FCER2: variants seen among roughly 807,000 people sequenced by gnomAD.
FCER2 encodes the protein low affinity immunoglobulin epsilon Fc receptor.
In FCER2, 38 loss-of-function variants were observed where a neutral mutation model predicts 49.7. That is an observed-to-expected ratio of 0.76 (90% CI 0.59 to 1.00). FCER2 has a LOEUF of 1.00. Ranked by LOEUF, FCER2 falls within the 50% of genes least tolerant of loss-of-function variation. The probability of loss-of-function intolerance (pLI) is 0.00; values close to 1 mark genes in which losing one functional copy is unlikely to be tolerated. For missense variants in FCER2, 425 were observed against 419.5 expected, an observed-to-expected ratio of 1.01 and a Z score of -0.11; for synonymous variants, 163 against 164.6, an observed-to-expected ratio of 0.99 and a Z score of 0.07.
chr19:7,695,009 A>C (rs2032976449), intron 8 of FCER2, among the ~76,000 whole-genome samples: 1 of 151,884 alleles, frequency 6.6e-6, no homozygotes. Context: ...TAATTTTTTC[A>C]TGTTTTTGTT....
intron 1 of FCER2, among the ~76,000 whole-genome samples, chr19:7,701,663 G>A (rs887327299): frequency 2.0e-5 from 3 of 152,084 alleles, no homozygotes; most frequent in Admixed American, 6.6e-5. Context: ...CTACTGGTAA[G>A]TGCTGGGTGG....
At chr19:7,696,698 A>C (rs564153467) in intron 8 of FCER2, 127 bp downstream of exon 8, 24 of 686,168 alleles carry the variant, frequency 3.5e-5, no homozygotes, top group Admixed American at 2.4e-4. Flanking sequence ...CCTCCCGATG[A>C]CACTCGGGTC....
rs553980568 is a variant in FCER2, at chr19:7,691,578, C to T, written c.470-1021G>A. On this transcript the variant is annotated intron_variant, in intron 8 of 10. Coordinates refer to ENST00000597921, the MANE Select transcript of FCER2 (RefSeq NM_001220500.2). ...AGCACCTCAGCCACAAGCACCATCA[C>T]CAACAGCACTTTCACCACCCTCATC... Among the ~76,000 whole-genome samples the T allele has an allele frequency of 5.9e-5, 9 of 152,198 alleles. No homozygotes were observed. In the East Asian group the frequency reaches 1.5e-3, roughly 26 times the overall value.
In FCER2 at chr19:7,697,597, G is replaced by T; in HGVS notation, c.191-8C>A. 1 of 1,613,636 alleles carries T rather than the reference G, an allele frequency of 6.2e-7. No individual in the cohort carries two copies. The highest frequency in any genetic ancestry group is 8.5e-7 in the Non-Finnish European group (1 of 1,179,660). On this transcript the variant is annotated splice_polypyrimidine_tract_variant and splice_region_variant and intron_variant, in intron 4 of 10. Coordinates refer to ENST00000597921, the MANE Select transcript of FCER2 (RefSeq NM_001220500.2). The stretch of plus-strand genomic sequence containing the variant: ...TCTTGGAAACTTGAGAGACTGGAGC[G>T]GCGGGAGAGAAGAGATATCCCAGGA...
At chr19:7,696,785 G>C (rs754793002) in intron 8 of FCER2, 40 bp downstream of exon 8, 1 of 1,475,850 alleles carries the variant, frequency 6.8e-7, no homozygotes. Flanking sequence ...AGCCCCAGGT[G>C]AGGTCACGCG....
Position 7,697,539 on chromosome 19 carries a change from G to A in FCER2, c.241C>T (p.Gln81Ter). ...AGGAGTCACTCACACTGGGATTTCT[G>A]CGCCATCTGGTCACCGTGGTGGCTT... ...LESHHGDQMA[Q>*]KSQSTQISQE... Residue 81 changes from glutamine (Q) to a stop codon, truncating the protein, a stop_gained, in exon 5 of 11, where the codon CAG becomes TAG. Coordinates refer to ENST00000597921, the MANE Select transcript of FCER2 (RefSeq NM_001220500.2). LOFTEE classifies it high-confidence loss of function. 1 of 1,613,944 alleles carries A rather than the reference G, an allele frequency of 6.2e-7. No individual in the cohort carries two copies. Among genetic ancestry groups the A allele is most frequent in the Non-Finnish European group, 8.5e-7 (1 of 1,179,908 alleles).
At chr19:7,699,955 A>G (rs561853433) in intron 1 of FCER2, 110 bp from the exon 2 acceptor site, 1 of 637,312 alleles carries the variant, frequency 1.6e-6, no homozygotes, top group East Asian at 2.8e-5. Context: ...GATTTTGTTT[A>G]GTCTACAATC....
chr19:7,690,088 T>G, intron 10 of FCER2, 71 bp downstream of exon 10: 2 of 984,286 alleles, frequency 2.0e-6, no homozygotes, highest in Non-Finnish European at 3.2e-6. Context: ...TCCGATGCAG[T>G]TTATCTAGGG....
In FCER2 at chr19:7,690,170, G is replaced by A. The variant is rs2228138; in HGVS notation, c.717C>T (p.His239=). 0.29 allele frequency: 472,937 copies of A among 1,606,618 alleles called. 74,097 individuals carry two copies. Among genetic ancestry groups the A allele is most frequent in the African/African-American group, 0.56 (41,770 of 74,732 alleles). ...KGEFIWVDGS[H]VDYSNWAPGE... is the part of the protein sequence containing the mutation. ...GGCCCCCTCCTCACCTGTAGTCCACGTGGCTCCCATCCACCCAGATAAACT... is the reference window on the plus strand; with the variant it reads ...GGCCCCCTCCTCACCTGTAGTCCACATGGCTCCCATCCACCCAGATAAACT... Residue 239 remains histidine, a synonymous_variant, in exon 10 of 11, where the codon CAC becomes CAT. Coordinates refer to ENST00000597921, the MANE Select transcript of FCER2 (RefSeq NM_001220500.2).
At chr19:7,695,490 A>C (rs559719873) in intron 8 of FCER2, among the ~76,000 whole-genome samples, 2 of 152,194 alleles carry the variant, frequency 1.3e-5, no homozygotes, top group South Asian at 2.1e-4. Flanking sequence ...AATCAGAAAG[A>C]AATTGCCAGG....
At chr19:7,697,656 C>T (rs1247940986) in intron 4 of FCER2, 67 bp from the exon 5 acceptor site, 2 of 1,333,098 alleles carry the variant, frequency 1.5e-6, no homozygotes, top group African/African-American at 1.4e-5. Flanking sequence ...CCCGCCTATG[C>T]CCCAGGCTCA....
intron 8 of FCER2, among the ~76,000 whole-genome samples, chr19:7,690,958 C>CCAT (rs2032851147): frequency 6.6e-6 from 1 of 151,948 alleles, no homozygotes; most frequent in Non-Finnish European, 1.5e-5. Flanking sequence ...ACTTCAACCA[C>CCAT]CATCACCACA....
Position 7,689,111 on chromosome 19 carries a change from G to T in FCER2, c.*82C>A. ...CGTTTGGGTGGCAGAAAATGTCACA[G>T]GGACCTTTCAGCCACAAAGAGGCTT... On this transcript the variant is annotated 3_prime_UTR_variant, in exon 11 of 11. Transcript: ENST00000597921. 1 of 966,670 alleles carries T rather than the reference G, an allele frequency of 1.0e-6. No homozygotes were observed. The highest frequency in any genetic ancestry group is 2.4e-5 in the East Asian group (1 of 40,960). The allele number at this position is 966,670 out of a possible 1,614,324, so 59.9% of individuals were successfully genotyped here.
In FCER2 at chr19:7,698,381, C is replaced by T; in HGVS notation, c.165G>A (p.Gln55=). ...WHWDTTQSLK[Q]LEERAARNVS... ...CGTTCCGGGCAGCCCTCTCTTCCAG[C>T]TGTTTTAGACTCTGTGTGGTGTCCC... Residue 55 remains glutamine, a synonymous_variant, in exon 4 of 11, where the codon CAG becomes CAA. Transcript: ENST00000597921. 1 of 1,612,546 alleles carries T rather than the reference C, an allele frequency of 6.2e-7. No individual in the cohort carries two copies. The highest frequency in any genetic ancestry group is 1.7e-4 in the Middle Eastern group (1 of 6,058).
At chr19:7,699,607 C>T in intron 2 of FCER2, 132 bp downstream of exon 2, 1 of 1,216,916 alleles carries the variant, frequency 8.2e-7, no homozygotes, top group Non-Finnish European at 1.2e-6. Flanking sequence ...TCCTTACTCA[C>T]ACCAGTCCCT....
At chr19:7,693,342 C>T (rs1423218403) in intron 8 of FCER2, among the ~76,000 whole-genome samples, 1 of 152,122 alleles carries the variant, frequency 6.6e-6, no homozygotes, top group Non-Finnish European at 1.5e-5. Flanking sequence ...CACAATCCCT[C>T]AATATGGTCT....
At chr19:7,701,592 A>G (rs1467825838) in intron 1 of FCER2, among the ~76,000 whole-genome samples, 2 of 151,788 alleles carry the variant, frequency 1.3e-5, no homozygotes, top group Non-Finnish European at 2.9e-5. Context: ...CAAACCCGGG[A>G]CCCTTGAGCT....
In FCER2 at chr19:7,697,090, A is replaced by G. The variant is rs1419256434; in HGVS notation, c.317-15T>C. On this transcript the variant is annotated splice_polypyrimidine_tract_variant and intron_variant, in intron 6 of 10. Coordinates refer to ENST00000597921, the MANE Select transcript of FCER2 (RefSeq NM_001220500.2). ...CAGCTCCAAGTCTGGTGTGTGCAGGAGCGCAGGGCTGGTCTCAGGGAGGAT... is the reference window on the plus strand; with the variant it reads ...CAGCTCCAAGTCTGGTGTGTGCAGGGGCGCAGGGCTGGTCTCAGGGAGGAT... 2 of 1,613,428 alleles carry G rather than the reference A, an allele frequency of 1.2e-6. No homozygotes were observed. The highest frequency in any genetic ancestry group is 1.7e-6 in the Non-Finnish European group (2 of 1,179,648).
Position 7,697,052 on chromosome 19 carries a change from T to G in FCER2, c.340A>C (p.Asn114His). 1 of 1,612,608 alleles carries G rather than the reference T, an allele frequency of 6.2e-7. No homozygotes were observed. Among genetic ancestry groups the G allele is most frequent in the Non-Finnish European group, 8.5e-7 (1 of 1,179,360 alleles). ...SQDLELSWNL[N>H]GLQADLSSFK... is the part of the protein sequence containing the mutation. ...CTGCTCAGATCTGCTTGAAGCCCGTTCAGGTTCCAGGACAGCTCCAAGTCT... is the reference window on the plus strand; with the variant it reads ...CTGCTCAGATCTGCTTGAAGCCCGTGCAGGTTCCAGGACAGCTCCAAGTCT... Residue 114 changes from asparagine to histidine, a missense_variant, in exon 7 of 11, where the codon AAC (asparagine) becomes CAC (histidine). By Grantham distance (68) the Asn-to-His change is moderately conservative (BLOSUM62 1). Coordinates refer to ENST00000597921, the MANE Select transcript of FCER2 (RefSeq NM_001220500.2).
Sources: allele counts gnomAD v4.1 joint callset (sites outside exome capture counted in the v4.1 genomes callset), GRCh38; gene constraint gnomAD v4.1.1; transcripts MANE v1.5; gene names NCBI Gene and HGNC (gene_info 2026-07-23, HGNC 2026-07-21).